Variants in SAMD5 observed in about 807,000 individuals in gnomAD.
SAMD5 encodes the protein sterile alpha motif domain-containing protein 5.
Under a neutral mutation model 11.3 loss-of-function variants are expected in SAMD5, and 13 were observed. The ratio of observed to expected loss-of-function variants is 1.15; its 90% CI spans 0.75 to 1.83. The LOEUF is 1.83. Ranked by LOEUF, SAMD5 falls within the 40% of genes most tolerant of loss-of-function variation. The probability of loss-of-function intolerance (pLI) is 0.00; values close to 1 mark genes in which losing one functional copy is unlikely to be tolerated. For synonymous variants in SAMD5, 129 were observed against 111.3 expected, an observed-to-expected ratio of 1.16 and a Z score of -1.00; for missense variants, 255 against 239.1, an observed-to-expected ratio of 1.07 and a Z score of -0.44.
At chr6:147,516,416 A>G (rs1443026808) in intron 1 of SAMD5, among the ~76,000 whole-genome samples, 1 of 152,224 alleles carries the variant, frequency 6.6e-6, no homozygotes, top group Non-Finnish European at 1.5e-5. Context: ...GCTCTGCTCC[A>G]TACTAGGTCA....
the SAMD5 span, among the ~76,000 whole-genome samples, chr6:147,924,570 C>G: frequency 2.6e-5 from 4 of 151,870 alleles, no homozygotes; most frequent in East Asian, 7.8e-4. Flanking sequence ...TTAACTTGAA[C>G]TAGCTTATTT....
At chr6:147,605,811 G>A (rs973375928) in intron 1 of SAMD5, among the ~76,000 whole-genome samples, 4 of 152,058 alleles carry the variant, frequency 2.6e-5, no homozygotes, top group Admixed American at 6.6e-5. Flanking sequence ...TCTGATGATG[G>A]GCAGTGTACC....
At chr6:147,526,787 A>G (rs1459694505) in intron 1 of SAMD5, among the ~76,000 whole-genome samples, 1 of 151,552 alleles carries the variant, frequency 6.6e-6, no homozygotes. Flanking sequence ...TGGATTGGTG[A>G]GTGGTCCACT....
chr6:147,572,702 T>C (rs759975272), downstream of SAMD5, among the ~76,000 whole-genome samples: 40 of 152,218 alleles, frequency 2.6e-4, no homozygotes, highest in Non-Finnish European at 5.0e-4. Flanking sequence ...AATTGATTTC[T>C]GCAATTATAG....
At chr6:147,902,127 G>A in the SAMD5 span, among the ~76,000 whole-genome samples, 1 of 148,506 alleles carries the variant, frequency 6.7e-6, no homozygotes, top group South Asian at 2.3e-4. Flanking sequence ...TGAATAGTAT[G>A]GCAATCAAGG....
rs1230523165 is a variant in SAMD5 at position 147,569,572 on chromosome 6, A to G, written c.*5116A>G. The G allele has an allele frequency of 1.0e-6, 1 of 965,828 alleles. No homozygotes were observed. The highest frequency in any genetic ancestry group is 1.2e-6 in the Non-Finnish European group (1 of 812,120). The allele number at this position is 965,828 out of a possible 1,614,324, so 59.8% of individuals were successfully genotyped here. On this transcript the variant is annotated 3_prime_UTR_variant, in exon 2 of 2. Coordinates refer to ENST00000367474, the MANE Select transcript of SAMD5 (RefSeq NM_001030060.3). Reference sequence around the variant, plus strand: ...TGAATTATCCCTTATCATTCCAAAAATGAAATGCTGTGTTAAATATCTCCA... The same window carrying G: ...TGAATTATCCCTTATCATTCCAAAAGTGAAATGCTGTGTTAAATATCTCCA...
chr6:147,649,748 G>A (rs192310515), intron 1 of SAMD5, among the ~76,000 whole-genome samples: 1 of 148,144 alleles, frequency 6.8e-6, no homozygotes, highest in Non-Finnish European at 1.5e-5. Flanking sequence ...GTGAGATCGC[G>A]CCACTGCGCT....
In SAMD5 at chr6:147,564,772, A is replaced by T; in HGVS notation, c.*316A>T. Reference sequence around the variant, plus strand: ...CTTCCATTCTTAATGAAAACAGATGAGGTTGGCTAAGGCATTTGAGTCATA... The same window carrying T: ...CTTCCATTCTTAATGAAAACAGATGTGGTTGGCTAAGGCATTTGAGTCATA... On this transcript the variant is annotated 3_prime_UTR_variant, in exon 2 of 2. Coordinates refer to ENST00000367474, the MANE Select transcript of SAMD5 (RefSeq NM_001030060.3). The T allele has an allele frequency of 9.7e-7, 1 of 1,026,398 alleles. No homozygotes were observed. The highest frequency in any genetic ancestry group is 1.2e-6 in the Non-Finnish European group (1 of 856,656). The allele number at this position is 1,026,398 out of a possible 1,614,324, so 63.6% of individuals were successfully genotyped here. A position where few individuals can be genotyped will look rare whatever the true frequency, so the allele number is the denominator to read the frequency against.
At chr6:147,530,813 C>A (rs1562313770) in intron 1 of SAMD5, among the ~76,000 whole-genome samples, 1 of 152,140 alleles carries the variant, frequency 6.6e-6, no homozygotes, top group Non-Finnish European at 1.5e-5. Context: ...GGTTCTGAGC[C>A]CCAGGCATTT....
the SAMD5 span, among the ~76,000 whole-genome samples, chr6:147,810,582 G>T: frequency 6.6e-6 from 1 of 152,182 alleles, no homozygotes; most frequent in Non-Finnish European, 1.5e-5. Context: ...GAAACATAGT[G>T]CTGAAGTGTT....
chr6:147,951,528 A>C, the SAMD5 span, among the ~76,000 whole-genome samples: 1 of 152,136 alleles, frequency 6.6e-6, no homozygotes, highest in African/African-American at 2.4e-5. Flanking sequence ...CAAATGAGCA[A>C]CTCAAGTACA....
intron 1 of SAMD5, among the ~76,000 whole-genome samples, chr6:147,698,792 A>G (rs938270667): frequency 5.9e-5 from 9 of 152,230 alleles, no homozygotes; most frequent in African/African-American, 1.9e-4. Context: ...GAGAATTGTG[A>G]TATCATGGAG....
At chr6:147,800,318 G>C in the SAMD5 span, among the ~76,000 whole-genome samples, 18 of 152,178 alleles carry the variant, frequency 1.2e-4, no homozygotes, top group Non-Finnish European at 2.5e-4. Flanking sequence ...GTCTGTTGGA[G>C]TACCCTGCAG....
At chr6:147,852,375 A>G in the SAMD5 span, among the ~76,000 whole-genome samples, 1 of 152,168 alleles carries the variant, frequency 6.6e-6, no homozygotes, top group Non-Finnish European at 1.5e-5. Flanking sequence ...TAATATTGGT[A>G]TATTTTTATT....
At chr6:147,607,070 C>T (rs566038985) in intron 1 of SAMD5, among the ~76,000 whole-genome samples, 1 of 151,940 alleles carries the variant, frequency 6.6e-6, no homozygotes, top group South Asian at 2.1e-4. Flanking sequence ...CAGTGGCTTG[C>T]AACCATGCTG....
intron 1 of SAMD5, among the ~76,000 whole-genome samples, chr6:147,649,383 C>A (rs925533664): frequency 6.6e-6 from 1 of 151,988 alleles, no homozygotes; most frequent in Non-Finnish European, 1.5e-5. Context: ...AAGATAAAAC[C>A]AAATATTCTA....
At chr6:147,858,331 A>G in the SAMD5 span, among the ~76,000 whole-genome samples, 1 of 152,056 alleles carries the variant, frequency 6.6e-6, no homozygotes, top group Non-Finnish European at 1.5e-5. Flanking sequence ...TTCTTCAAAT[A>G]TTGCTCTCTG....
chr6:147,951,560 C>T, the SAMD5 span, among the ~76,000 whole-genome samples: 2 of 152,294 alleles, frequency 1.3e-5, no homozygotes, highest in East Asian at 3.9e-4. Flanking sequence ...ACGAGAGAAG[C>T]ACATCAAAAT....
At chr6:147,909,614 TTCTTTCTTTCTTTCTTTC>T in the SAMD5 span, among the ~76,000 whole-genome samples, 4,645 of 77,294 alleles carry the variant, frequency 0.06, 421 homozygotes, top group East Asian at 0.18. Flanking sequence ...CTTTCTTTCT[TTCTTTCTTTCTTTCTTTC>T]TCTTTCTTGT....
Sources: allele counts gnomAD v4.1 joint callset (sites outside exome capture counted in the v4.1 genomes callset), GRCh38; gene constraint gnomAD v4.1.1; transcripts MANE v1.5; gene names NCBI Gene and HGNC (gene_info 2026-07-23, HGNC 2026-07-21).